Variants in GUCY2D observed in about 807,000 individuals in gnomAD.
GUCY2D encodes retinal guanylyl cyclase 1.
GUCY2D carries 70 observed loss-of-function variants against 101.3 expected under a neutral mutation model. The observed-to-expected ratio is 0.69, with a 90% CI of 0.57 to 0.84. The LOEUF (loss-of-function observed/expected upper bound fraction) is 0.84. GUCY2D is among the 40% of genes least tolerant of loss of function. GUCY2D has a pLI of 0.00. For missense variants in GUCY2D, 1,460 were observed against 1,542.5 expected, an observed-to-expected ratio of 0.95 and a Z score of 0.90; for synonymous variants, 688 against 670.7, an observed-to-expected ratio of 1.03 and a Z score of -0.40.
intron 4 of GUCY2D, 116 bp from the exon 5 acceptor site, chr17:8,006,944 C>T: frequency 1.1e-6 from 1 of 889,908 alleles, no homozygotes; most frequent in Non-Finnish European, 1.9e-6. Flanking sequence ...ACCCCTAGAG[C>T]CTCTCTGGGC....
At chr17:8,019,739 C>G (rs780533501) in intron 19 of GUCY2D, among the ~76,000 whole-genome samples, 1 of 152,242 alleles carries the variant, frequency 6.6e-6, no homozygotes, top group East Asian at 1.9e-4. Context: ...CCTTTCTCTG[C>G]AGTTTCCACC....
rs374580575 is a variant in GUCY2D at position 8,016,464 on chromosome 17, C to T, written c.3246C>T (p.Ser1082=). ...LQPGSSNHGI[S]LQEIPPERRR... ...GCAGGTCCAGCAACCACGGCATCAG[C>T]CTGCAGGAGATCCCACCCGAGCGGC... is the stretch of plus-strand genomic sequence containing the variant. The change falls in exon 19 of 20, where the codon AGC becomes AGT. Residue 1082 remains serine, a synonymous_variant. Transcript: ENST00000254854. The T allele has an allele frequency of 2.4e-4, 381 of 1,574,852 alleles. 2 individuals carry two copies. The highest frequency in any genetic ancestry group is 2.8e-4 in the Non-Finnish European group (322 of 1,160,608).
At position 8,006,485 on chromosome 17, in the gene GUCY2D, G is replaced by C. The variant is rs1975741252; in HGVS notation, c.1149G>C (p.Arg383=). ...VSGAAVARHI[R]DAQVPGFCGD... ...GAGCAGCTGTGGCCCGCCACATCCG[G>C]GATGCGCAGGTCCCTGGCTTCTGCG... Residue 383 remains arginine (R), a synonymous_variant, in exon 4 of 20, where the codon CGG becomes CGC. Coordinates refer to ENST00000254854, the MANE Select transcript of GUCY2D (RefSeq NM_000180.4). The C allele has an allele frequency of 6.2e-7, 1 of 1,607,726 alleles. No individual in the cohort carries two copies. The highest frequency in any genetic ancestry group is 1.3e-5 in the African/African-American group (1 of 74,932).
chr17:8,016,362 G>T, intron 18 of GUCY2D, 72 bp downstream of exon 18: 1 of 1,434,522 alleles, frequency 7.0e-7, no homozygotes, highest in Non-Finnish European at 9.6e-7. Context: ...CTGACCCCCC[G>T]CGCGCGAGGC....
chr17:8,007,215 G>T, intron 5 of GUCY2D, 71 bp downstream of exon 5: 1 of 1,231,610 alleles, frequency 8.1e-7, no homozygotes, highest in Non-Finnish European at 1.2e-6. Flanking sequence ...AAAAACAGCA[G>T]GCTGGGTTCA....
Position 8,013,186 on chromosome 17 carries a change from G to T in GUCY2D, c.2197G>T (p.Ala733Ser), listed in dbSNP as rs1336520916. Residue 733 changes from alanine (A) to serine (S), a missense_variant, in exon 11 of 20, where the codon GCC becomes TCC. Coordinates refer to ENST00000254854, the MANE Select transcript of GUCY2D (RefSeq NM_000180.4). The surrounding 1 kb of genome is among the most constrained non-coding windows in gnomAD (Gnocchi z 5.0). ...GTLAGDVFSL[A>S]IIMQEVVCRS... ...GCTGGCCGGCGACGTCTTTAGCTTG[G>T]CCATCATCATGCAAGAAGTAGTGTG... The T allele has an allele frequency of 3.1e-5, 50 of 1,614,010 alleles. No individual in the cohort carries two copies. The highest frequency in any genetic ancestry group is 4.2e-5 in the Non-Finnish European group (49 of 1,180,010).
chr17:8,016,620 C>A, intron 19 of GUCY2D, 66 bp downstream of exon 19: 4 of 803,848 alleles, frequency 5.0e-6, no homozygotes, highest in South Asian at 1.5e-5. Flanking sequence ...ACGTCCCACC[C>A]AAGCCAGGTG....
chr17:8,014,912 A>G lies in GUCY2D; in HGVS notation c.2630A>G (p.Glu877Gly). The change falls in exon 14 of 20, where the codon GAG becomes GGG. Residue 877 changes from glutamate (E) to glycine (G), a missense_variant. Physicochemically the swap from Glu to Gly is moderately conservative, Grantham distance 98 (BLOSUM62 -2). Coordinates refer to ENST00000254854, the MANE Select transcript of GUCY2D (RefSeq NM_000180.4). The surrounding 1 kb of genome is among the most constrained non-coding windows in gnomAD (Gnocchi z 4.0). ...TGTPVEPEYF[E>G]QVTLYFSDIV... ...ACACCAGTGGAGCCCGAGTACTTTG[A>G]GCAAGTGACACTGTACTTTAGTGAC... is the stretch of plus-strand genomic sequence containing the variant. 6.2e-7 allele frequency: 1 copy of G among 1,614,118 alleles called. No individual in the cohort carries two copies. Among genetic ancestry groups the G allele is most frequent in the South Asian group, 1.1e-5 (1 of 91,084 alleles).
intron 19 of GUCY2D, chr17:8,016,958 G>T (rs1165107218): frequency 5.7e-6 from 1 of 174,298 alleles, no homozygotes; most frequent in Non-Finnish European, 1.2e-5. Flanking sequence ...CCCGTGACCC[G>T]CTCCTTCCTA....
intron 15 of GUCY2D, 99 bp from the exon 16 acceptor site, chr17:8,015,644 G>A (rs1975953464): frequency 3.4e-6 from 4 of 1,186,854 alleles, no homozygotes; most frequent in African/African-American, 1.5e-5. Flanking sequence ...TATTTGGGGG[G>A]CTGGTGGAGA....
chr17:8,012,686 C>G (rs1975879630), intron 10 of GUCY2D, 80 bp downstream of exon 10: 1 of 1,114,144 alleles, frequency 9.0e-7, no homozygotes, highest in East Asian at 2.4e-5. Context: ...CTCCCTACCT[C>G]TGCCCTCGCA....
chr17:8,008,521 G>A lies in GUCY2D; in HGVS notation c.1668+489G>A, dbSNP rs539468342. Among the ~76,000 whole-genome samples the A allele has an allele frequency of 6.8e-4, 104 of 152,352 alleles. 1 individual carries two copies. The South Asian group carries it at 0.02, about 30-fold the overall frequency. ...GGCTGGTAAATCTGAATGCGGTCAA[G>A]TGGAGGGGAGATGATGAGAACAGAT... On this transcript the variant is annotated intron_variant, in intron 7 of 19. Transcript: ENST00000254854.
At chr17:8,012,780 C>A (rs1975881801) in intron 10 of GUCY2D, among the ~76,000 whole-genome samples, 174 bp downstream of exon 10, 1 of 152,188 alleles carries the variant, frequency 6.6e-6, no homozygotes, top group Non-Finnish European at 1.5e-5. Context: ...TCTGTGACTT[C>A]GGAGACGGGG....
chr17:8,012,092 C>A (rs1215310057), intron 8 of GUCY2D, 52 bp from the exon 9 acceptor site: 1 of 1,281,404 alleles, frequency 7.8e-7, no homozygotes, highest in African/African-American at 1.5e-5. Context: ...TTAACAGCCC[C>A]TTCCCCACAT....
rs530328021 is a variant in GUCY2D at position 8,014,583 on chromosome 17, G to T, written c.2413-18G>T. The T allele has an allele frequency of 6.2e-6, 10 of 1,613,758 alleles. No homozygotes were observed. The South Asian group carries it at 1.1e-4, about 18-fold the overall frequency. ...ACCCAGGTCTTCAGCAGCTTTACCA[G>T]CTTCCTTCTACTGCTAGTTCAAGAA... On this transcript the variant is annotated intron_variant, in intron 12 of 19. Transcript: ENST00000254854. This position sits in a 1 kb window ranked among gnomAD's most constrained non-coding sequence, Gnocchi z 4.0.
rs1975959078 is a variant in GUCY2D, at chr17:8,015,827, A to AGT, written c.3030_3031dup (p.Ser1011CysfsTer11). ...ACGGTCAACACCGCCTCGCGCATGG[A>AGT]GTCCACCGGGCTGCGTGAGTGTGAC... is the stretch of plus-strand genomic sequence containing the variant. On this transcript the variant is annotated frameshift_variant, in exon 16 of 20. Transcript: ENST00000254854. LOFTEE classifies it high-confidence loss of function. 1 of 1,611,958 alleles carries AGT rather than the reference A, an allele frequency of 6.2e-7. No homozygotes were observed.
chr17:8,006,182 T>G, intron 3 of GUCY2D, among the ~76,000 whole-genome samples, 181 bp from the exon 4 acceptor site: 1 of 142,264 alleles, frequency 7.0e-6, no homozygotes, highest in African/African-American at 2.5e-5. Context: ...AGAGAGCCAA[T>G]GGGGAGGGAG....
At chr17:8,007,619 G>C (rs1975772054) in intron 6 of GUCY2D, 91 bp downstream of exon 6, 2 of 798,948 alleles carry the variant, frequency 2.5e-6, no homozygotes, top group Non-Finnish European at 4.3e-6. Context: ...CTCCCTACTT[G>C]GGAAGCCTGA....
At position 8,003,458 on chromosome 17, in the gene GUCY2D, G is replaced by C; in HGVS notation, c.411G>C (p.Glu137Asp). Reference sequence around the variant, plus strand: ...ACCCTGCGGCCTGCCGGCCAGCCGAGCTGCTCGCCGAAGAAGCCGGGATCG... The same window carrying C: ...ACCCTGCGGCCTGCCGGCCAGCCGACCTGCTCGCCGAAGAAGCCGGGATCG... ...PVNPAACRPA[E>D]LLAEEAGIAL... The change falls in exon 2 of 20, where the codon GAG becomes GAC. Residue 137 changes from glutamate (E) to aspartate (D), a missense_variant. Glu to Asp is a conservative substitution (Grantham distance 45). Coordinates refer to ENST00000254854, the MANE Select transcript of GUCY2D (RefSeq NM_000180.4). 2 of 1,521,450 alleles carry C rather than the reference G, an allele frequency of 1.3e-6. No individual in the cohort carries two copies. Among genetic ancestry groups the C allele is most frequent in the Non-Finnish European group, 1.8e-6 (2 of 1,141,172 alleles). 94.2% of individuals were successfully genotyped at this position (1,521,450 alleles called of 1,614,324 possible). A position where few individuals can be genotyped will look rare whatever the true frequency, so the allele number is the denominator to read the frequency against.
Sources: gnomAD v4.1 joint callset for allele counts (sites outside exome capture counted in the v4.1 genomes callset) on GRCh38, gnomAD v4.1.1 for gene constraint, Gnocchi (gnomAD v3.1) non-coding constraint, MANE v1.5 for transcripts, NCBI Gene and HGNC (gene_info 2026-07-23, HGNC 2026-07-21) for gene names.